Variants in FHIT observed in about 807,000 individuals in gnomAD.
FHIT encodes fragile histidine triad diadenosine triphosphatase, also known as bis(5'-adenosyl)-triphosphatase.
FHIT carries 19 observed loss-of-function variants against 17.9 expected under a neutral mutation model. The observed-to-expected ratio is 1.06, with a 90% CI of 0.74 to 1.56. The LOEUF is 1.56. Ranked by LOEUF, FHIT falls within the 40% of genes most tolerant of loss-of-function variation. FHIT has a pLI of 0.00. For missense variants in FHIT, 248 were observed against 189.2 expected (o/e 1.31, Z -1.82); for synonymous variants, 81 against 69.7 (o/e 1.16, Z -0.81).
intron 7 of FHIT, among the ~76,000 whole-genome samples, chr3:59,999,178 T>C (rs540956208): frequency 6.6e-6 from 1 of 152,174 alleles, no homozygotes; most frequent in Admixed American, 6.5e-5. Context: ...ACTCCCTCCC[T>C]GGGAGAGAGA....
chr3:60,536,762 T>C (rs1186929703), intron 5 of FHIT, 98 bp downstream of exon 5: 3 of 1,294,586 alleles, frequency 2.3e-6, no homozygotes, highest in Non-Finnish European at 3.1e-6. Context: ...TTTACCTTTT[T>C]GGACAGACTG....
intron 4 of FHIT, among the ~76,000 whole-genome samples, chr3:60,629,025 G>A (rs2039370233): frequency 6.6e-6 from 1 of 152,108 alleles, no homozygotes; most frequent in South Asian, 2.1e-4. Context: ...AATATTCTCA[G>A]CCTCCCATAC....
At chr3:60,617,577 T>A (rs1190643816) in intron 4 of FHIT, 2 of 152,702 alleles carry the variant, frequency 1.3e-5, no homozygotes, top group African/African-American at 4.8e-5. Flanking sequence ...AGTTTCAATT[T>A]GAACAGTAGG....
intron 5 of FHIT, among the ~76,000 whole-genome samples, chr3:60,120,018 A>C (rs1705174520): frequency 6.6e-6 from 1 of 152,170 alleles, no homozygotes; most frequent in African/African-American, 2.4e-5. Flanking sequence ...AATCAGCCTA[A>C]TCAACATTCC....
chr3:60,805,142 A>C (rs1418286796), intron 4 of FHIT, among the ~76,000 whole-genome samples: 1 of 152,158 alleles, frequency 6.6e-6, no homozygotes, highest in Non-Finnish European at 1.5e-5. Flanking sequence ...TTTCTTAAGG[A>C]CTTTCATAGT....
chr3:60,454,327 A>C (rs2031944539), intron 5 of FHIT, among the ~76,000 whole-genome samples: 1 of 152,062 alleles, frequency 6.6e-6, no homozygotes, highest in African/African-American at 2.4e-5. Context: ...TTCTTGCAGC[A>C]CAAGTCCTTG....
At chr3:61,161,883 C>T (rs1560031070) in intron 2 of FHIT, among the ~76,000 whole-genome samples, 1 of 152,332 alleles carries the variant, frequency 6.6e-6, no homozygotes, top group African/African-American at 2.4e-5. Context: ...CTAATTCTGT[C>T]TCCTTGTACA....
chr3:60,216,339 C>A (rs556612852), intron 5 of FHIT, among the ~76,000 whole-genome samples: 28 of 152,198 alleles, frequency 1.8e-4, no homozygotes, highest in African/African-American at 6.5e-4. Context: ...TGTTTGTTTC[C>A]GAGATAAGCG....
At chr3:61,211,288 G>A (rs917697343) in intron 1 of FHIT, among the ~76,000 whole-genome samples, 8 of 144,972 alleles carry the variant, frequency 5.5e-5, no homozygotes, top group African/African-American at 7.7e-5. Flanking sequence ...GGAAAATAGG[G>A]TCACTCCCAC....
intron 8 of FHIT, among the ~76,000 whole-genome samples, chr3:59,912,381 C>T (rs1704921883): frequency 6.6e-6 from 1 of 152,222 alleles, no homozygotes; most frequent in Admixed American, 6.5e-5. Flanking sequence ...TTCCAGGTCA[C>T]GAAAAGGAAA....
chr3:61,155,545 T>G (rs949605046), intron 2 of FHIT, among the ~76,000 whole-genome samples: 1 of 152,136 alleles, frequency 6.6e-6, no homozygotes, highest in Non-Finnish European at 1.5e-5. Context: ...TCCACCCAGG[T>G]TGAACAATGA....
chr3:60,038,543 C>T (rs761346535), intron 5 of FHIT, among the ~76,000 whole-genome samples: 6 of 152,220 alleles, frequency 3.9e-5, no homozygotes, highest in South Asian at 4.1e-4. Flanking sequence ...ATGCATGAAA[C>T]GCTTGATAGT....
In FHIT at chr3:61,081,721, T is replaced by C. The variant is rs558634554; in HGVS notation, c.-163-39622A>G. On this transcript the variant is annotated intron_variant, in intron 2 of 9. Coordinates refer to ENST00000492590, the MANE Select transcript of FHIT (RefSeq NM_002012.4). ...TTTCTCCTCTTCTATGAGGACACCA[T>C]TCACATTGCATTAAGGTTCCATCTT... Among the ~76,000 whole-genome samples, 19 of 152,308 alleles carry C rather than the reference T, an allele frequency of 1.2e-4. No homozygotes were observed. The South Asian group carries it at 3.5e-3, about 28-fold the overall frequency.
At chr3:60,154,598 A>G (rs1257379913) in intron 5 of FHIT, among the ~76,000 whole-genome samples, 2 of 152,230 alleles carry the variant, frequency 1.3e-5, no homozygotes, top group Non-Finnish European at 2.9e-5. Context: ...TTAGATTTCA[A>G]TTAATAACCT....
rs1274559377 is a variant in FHIT at position 60,239,999 on chromosome 3, T to A, written c.104-225847A>T. On this transcript the variant is annotated intron_variant, in intron 5 of 9. Transcript: ENST00000492590. ...GAATATTAGCAAATGACAGAGCAAA[T>A]TCACAGGACTGCTATCATAGGATTA... 2.6e-5 allele frequency among the ~76,000 whole-genome samples: 4 copies of A among 152,124 alleles called. No individual in the cohort carries two copies. In the East Asian group the frequency reaches 5.8e-4, roughly 22 times the overall value.
intron 8 of FHIT, among the ~76,000 whole-genome samples, chr3:59,842,322 G>T (rs79473007): frequency 6.6e-6 from 1 of 152,134 alleles, no homozygotes; most frequent in Non-Finnish European, 1.5e-5. Context: ...TGGATACTGA[G>T]TTGCTTCTAC....
chr3:60,383,590 C>G (rs913422716), intron 5 of FHIT, among the ~76,000 whole-genome samples: 18 of 151,936 alleles, frequency 1.2e-4, no homozygotes, highest in African/African-American at 4.1e-4. Flanking sequence ...AAAAACCATG[C>G]CCTAAAGCTA....
At chr3:61,102,299 T>C (rs1421817779) in intron 2 of FHIT, among the ~76,000 whole-genome samples, 1 of 152,252 alleles carries the variant, frequency 6.6e-6, no homozygotes, top group Non-Finnish European at 1.5e-5. Flanking sequence ...CTTTTCTGCA[T>C]CTACTGAGAT....
At chr3:60,072,000 G>C (rs547137191) in intron 5 of FHIT, among the ~76,000 whole-genome samples, 1 of 152,096 alleles carries the variant, frequency 6.6e-6, no homozygotes, top group African/African-American at 2.4e-5. Flanking sequence ...CTGTGAGTCC[G>C]TTAAACCTCT....
Sources: allele counts gnomAD v4.1 joint callset (sites outside exome capture counted in the v4.1 genomes callset), GRCh38; gene constraint gnomAD v4.1.1; transcripts MANE v1.5; gene names NCBI Gene and HGNC (gene_info 2026-07-23, HGNC 2026-07-21).